Variants in KIAA1671 observed in about 807,000 individuals in gnomAD.
KIAA1671 encodes the protein uncharacterized protein KIAA1671.
KIAA1671 carries 52 observed loss-of-function variants against 131.2 expected under a neutral mutation model. The ratio of observed to expected loss-of-function variants is 0.40; its 90% CI spans 0.32 to 0.50. KIAA1671 has a LOEUF of 0.50. Ranked by LOEUF, KIAA1671 falls within the 20% of genes least tolerant of loss-of-function variation. The pLI, the probability that KIAA1671 is intolerant of heterozygous loss-of-function variation, is 0.73. For missense variants in KIAA1671, 2,360 were observed against 2,364.2 expected, an observed-to-expected ratio of 1.00 and a Z score of 0.04; for synonymous variants, 1,003 against 961.6, an observed-to-expected ratio of 1.04 and a Z score of -0.80.
chr22:25,075,383 G>A (rs922831905), intron 6 of KIAA1671, among the ~76,000 whole-genome samples: 1 of 152,228 alleles, frequency 6.6e-6, no homozygotes. Flanking sequence ...GTTTTGTCAC[G>A]AATGTTCTTT....
intron 6 of KIAA1671, among the ~76,000 whole-genome samples, chr22:25,128,967 C>T (rs779256381): frequency 8.5e-5 from 13 of 152,198 alleles, no homozygotes; most frequent in Non-Finnish European, 1.5e-4. Flanking sequence ...TGATGTTGGA[C>T]GTTACTTAAC....
chr22:24,972,637 TTTCCCTCCCTCC>T (rs1219540711), intron 1 of KIAA1671, among the ~76,000 whole-genome samples: 1 of 150,142 alleles, frequency 6.7e-6, no homozygotes, highest in Non-Finnish European at 1.5e-5. Context: ...TATTTCTTTC[TTTCCCTCCCTCC>T]TTCCCTCCCT....
At chr22:25,108,531 A>C (rs1235221478) in intron 6 of KIAA1671, among the ~76,000 whole-genome samples, 1 of 152,186 alleles carries the variant, frequency 6.6e-6, no homozygotes, top group Non-Finnish European at 1.5e-5. Context: ...GGATGCCAGA[A>C]GTCCTGGGAC....
intron 5 of KIAA1671, among the ~76,000 whole-genome samples, chr22:25,047,467 CTTT>C (rs1198576836): frequency 2.5e-5 from 3 of 120,456 alleles, no homozygotes; most frequent in Admixed American, 8.3e-5. Flanking sequence ...GCCTCTTTTC[CTTT>C]TTTTTTTTTT....
chr22:25,093,938 G>A (rs570983448), intron 6 of KIAA1671, among the ~76,000 whole-genome samples: 153 of 146,770 alleles, frequency 1.0e-3, no homozygotes, highest in Middle Eastern at 7.1e-3. Context: ...TGGTTTGCAG[G>A]CACTTTGCCA....
intron 6 of KIAA1671, among the ~76,000 whole-genome samples, chr22:25,115,829 T>C (rs1371665869): frequency 7.9e-5 from 12 of 152,168 alleles, no homozygotes; most frequent in Non-Finnish European, 1.8e-4. Context: ...CAGGCTGGAG[T>C]GCAGTGGCAC....
intron 5 of KIAA1671, 24 bp from the exon 6 acceptor site, chr22:25,049,206 C>T: frequency 1.3e-6 from 2 of 1,547,382 alleles, no homozygotes; most frequent in East Asian, 2.5e-5. Flanking sequence ...CAGTAAAGTC[C>T]TTTTCTTGTG....
At chr22:25,156,101 A>G (rs1933231718) in intron 6 of KIAA1671, among the ~76,000 whole-genome samples, 1 of 133,522 alleles carries the variant, frequency 7.5e-6, no homozygotes, top group African/African-American at 2.8e-5. Flanking sequence ...GGCTCACTGC[A>G]AGCTCTCACC....
At chr22:25,030,177 C>A (rs1218019017) in intron 3 of KIAA1671, among the ~76,000 whole-genome samples, 1 of 152,178 alleles carries the variant, frequency 6.6e-6, no homozygotes, top group African/African-American at 2.4e-5. Flanking sequence ...TGTTCTAAGT[C>A]AGCTGGTTAA....
At chr22:25,093,836 C>G (rs1568951593) in intron 6 of KIAA1671, among the ~76,000 whole-genome samples, 3 of 64,622 alleles carry the variant, frequency 4.6e-5, no homozygotes, top group Non-Finnish European at 8.9e-5. Flanking sequence ...CTCTCTCTGT[C>G]TGTCTCTCTC....
intron 12 of KIAA1671, 55 bp downstream of exon 12, chr22:25,190,839 G>C: frequency 8.2e-7 from 1 of 1,218,586 alleles, no homozygotes. Context: ...CACAGGAATG[G>C]GGAACTCAGG....
At chr22:24,954,546 G>A (rs1921588673) in intron 1 of KIAA1671, among the ~76,000 whole-genome samples, 1 of 152,184 alleles carries the variant, frequency 6.6e-6, no homozygotes, top group Admixed American at 6.6e-5. Flanking sequence ...ATCAACCAGC[G>A]TGTATTGAGC....
rs1234700402 is a variant in KIAA1671 at position 25,174,274 on chromosome 22, T to C, written c.4684T>C (p.Ser1562Pro). Reference protein sequence around the residue: ...ATESPDSSATSTRKQPPSSRL... With the variant: ...ATESPDSSATPTRKQPPSSRL... Reference sequence around the variant, plus strand: ...TGAGTCCCCAGATAGCAGTGCCACATCGACAAGGAAACAGCCCCCCAGCAG... The same window carrying C: ...TGAGTCCCCAGATAGCAGTGCCACACCGACAAGGAAACAGCCCCCCAGCAG... The change falls in exon 8 of 13, where the codon TCG becomes CCG. Residue 1562 changes from serine to proline, a missense_variant. Around this residue, in one of 3 missense-constraint regions of KIAA1671, gnomAD observed 1,161 missense variants for 1,204.7 expected, o/e 0.96. Transcript: ENST00000358431. 3 of 1,551,600 alleles carry C rather than the reference T, an allele frequency of 1.9e-6. No homozygotes were observed. The highest frequency in any genetic ancestry group is 2.6e-6 in the Non-Finnish European group (3 of 1,147,020).
At chr22:25,117,613 A>ACG (rs1931738314) in intron 6 of KIAA1671, among the ~76,000 whole-genome samples, 1 of 151,204 alleles carries the variant, frequency 6.6e-6, no homozygotes, top group African/African-American at 2.4e-5. Context: ...ACACACACAC[A>ACG]CACACACACA....
At chr22:25,038,645 A>G in intron 4 of KIAA1671, 115 bp from the exon 5 acceptor site, 1 of 1,101,286 alleles carries the variant, frequency 9.1e-7, no homozygotes, top group African/African-American at 1.6e-5. Context: ...TTTCAATTTT[A>G]TGGTATTTCA....
At chr22:25,027,231 G>A (rs1447665133) in intron 2 of KIAA1671, among the ~76,000 whole-genome samples, 4 of 151,724 alleles carry the variant, frequency 2.6e-5, no homozygotes, top group Non-Finnish European at 4.4e-5. Flanking sequence ...ATGGCATCTG[G>A]AAGGGTGGGG....
At chr22:24,983,016 G>A (rs1053533162) in intron 1 of KIAA1671, among the ~76,000 whole-genome samples, 28 of 152,172 alleles carry the variant, frequency 1.8e-4, no homozygotes, top group Admixed American at 1.3e-3. Context: ...GACACCTGCT[G>A]TGGGCCAGGC....
At chr22:25,019,814 T>A (rs1163006219) in intron 1 of KIAA1671, among the ~76,000 whole-genome samples, 1 of 152,174 alleles carries the variant, frequency 6.6e-6, no homozygotes, top group Non-Finnish European at 1.5e-5. Context: ...AAGGCAACCA[T>A]TTTTTCTGAT....
intron 6 of KIAA1671, among the ~76,000 whole-genome samples, chr22:25,144,104 A>G (rs969872239): frequency 1.3e-5 from 2 of 152,234 alleles, no homozygotes; most frequent in Non-Finnish European, 2.9e-5. Flanking sequence ...TTTGATTGGT[A>G]TGTAAGAAAC....
Sources: gnomAD v4.1 joint callset for allele counts (sites outside exome capture counted in the v4.1 genomes callset) on GRCh38, gnomAD v4.1.1 for gene constraint, gnomAD v4.1.1 regional missense constraint, MANE v1.5 for transcripts, NCBI Gene and HGNC (gene_info 2026-07-23, HGNC 2026-07-21) for gene names.